ADGRL3: variants seen among roughly 807,000 people sequenced by gnomAD.
The protein encoded by ADGRL3 is adhesion G protein-coupled receptor L3.
A neutral mutation model predicts 153.5 loss-of-function variants in ADGRL3; 62 were observed. The ratio of observed to expected loss-of-function variants is 0.40; its 90% confidence interval spans 0.33 to 0.50. The LOEUF (loss-of-function observed/expected upper bound fraction) is 0.50. Ranked by LOEUF, ADGRL3 falls within the 20% of genes least tolerant of loss-of-function variation. ADGRL3 has a pLI of 0.47. For missense variants in ADGRL3, 1,641 were observed against 1,859.4 expected (o/e 0.88, Z 2.16); for synonymous variants, 710 against 672.5 (o/e 1.06, Z -0.86).
chr4:61,587,623 G>A (rs2098951695), intron 5 of ADGRL3, among the ~76,000 whole-genome samples, 183 bp downstream of exon 5: 1 of 152,032 alleles, frequency 6.6e-6, no homozygotes, highest in Non-Finnish European at 1.5e-5. Flanking sequence ...CATTTGGAAA[G>A]TATTACAATT....
intron 1 of ADGRL3, among the ~76,000 whole-genome samples, chr4:61,313,849 G>A (rs1255414219): frequency 1.3e-5 from 2 of 152,138 alleles, no homozygotes; most frequent in Non-Finnish European, 2.9e-5. Flanking sequence ...GAGCACAGAC[G>A]GGAACGAGCC....
intron 21 of ADGRL3, among the ~76,000 whole-genome samples, chr4:62,002,421 A>G (rs2099143648): frequency 6.6e-6 from 1 of 151,298 alleles, no homozygotes; most frequent in South Asian, 2.1e-4. Context: ...TAATTAATTA[A>G]ATTATTATTT....
intron 9 of ADGRL3, among the ~76,000 whole-genome samples, chr4:61,878,329 G>GA (rs2098487997): frequency 6.6e-6 from 1 of 152,132 alleles, no homozygotes; most frequent in South Asian, 2.1e-4. Context: ...GGGGAAAGGG[G>GA]AGCATAATTG....
intron 9 of ADGRL3, among the ~76,000 whole-genome samples, chr4:61,872,220 A>ATT (rs2098449756): frequency 6.6e-6 from 1 of 152,208 alleles, no homozygotes; most frequent in South Asian, 2.1e-4. Flanking sequence ...GTGATGATAA[A>ATT]TAAGTCAGTA....
intron 8 of ADGRL3, among the ~76,000 whole-genome samples, chr4:61,773,840 C>CA (rs1201775646): frequency 2.0e-5 from 3 of 151,730 alleles, no homozygotes; most frequent in East Asian, 1.9e-4. Flanking sequence ...AGCATCTAAA[C>CA]AAAAAAACAA....
chr4:61,637,768 C>G (rs1008300302), intron 5 of ADGRL3, among the ~76,000 whole-genome samples: 1 of 151,894 alleles, frequency 6.6e-6, no homozygotes, highest in Admixed American at 6.6e-5. Flanking sequence ...TCCCCCACCC[C>G]CCAAAAACGT....
chr4:61,409,628 A>G (rs1196937158), intron 2 of ADGRL3, among the ~76,000 whole-genome samples: 1 of 151,464 alleles, frequency 6.6e-6, no homozygotes, highest in Non-Finnish European at 1.5e-5. Flanking sequence ...TTCGTTATAG[A>G]CAAAGTTACT....
intron 8 of ADGRL3, among the ~76,000 whole-genome samples, chr4:61,769,484 G>A (rs929130083): frequency 1.5e-4 from 16 of 104,714 alleles, no homozygotes; most frequent in African/African-American, 6.6e-4. Context: ...CAAAGAGCAG[G>A]AGGACAGGGG....
In ADGRL3 at chr4:61,701,116, A is replaced by T. The variant is rs74391814; in HGVS notation, c.583+24181A>T. 6.5e-3 allele frequency among the ~76,000 whole-genome samples: 984 copies of T among 152,284 alleles called. 10 individuals carry two copies. The highest frequency in any genetic ancestry group is 0.022 in the African/African-American group (934 of 41,566). On this transcript the variant is annotated intron_variant, in intron 6 of 26. Coordinates refer to ENST00000683033, the MANE Select transcript of ADGRL3 (RefSeq NM_001387552.1). ...AGAAATGTCTAAAAATGACTAAAGA[A>T]GAAAAGGTAGAGAACAAAAAGTTGT...
intron 17 of ADGRL3, among the ~76,000 whole-genome samples, chr4:61,965,113 T>C (rs1385936863): frequency 6.6e-6 from 1 of 152,088 alleles, no homozygotes; most frequent in Non-Finnish European, 1.5e-5. Flanking sequence ...CCCTCCCTCT[T>C]CAGCCTCCCA....
intron 2 of ADGRL3, among the ~76,000 whole-genome samples, chr4:61,477,566 T>C (rs1164651081): frequency 2.6e-5 from 4 of 152,188 alleles, no homozygotes; most frequent in African/African-American, 9.6e-5. Flanking sequence ...CCCAATTTCA[T>C]TGTATATTTT....
intron 23 of ADGRL3, 144 bp from the exon 24 acceptor site, chr4:62,037,587 A>C (rs1725777124): frequency 1.1e-6 from 1 of 920,142 alleles, no homozygotes; most frequent in Non-Finnish European, 1.6e-6. Flanking sequence ...TGTATTGTAA[A>C]ATATATGCTG....
intron 1 of ADGRL3, among the ~76,000 whole-genome samples, chr4:61,217,299 A>C (rs1743245990): frequency 6.6e-6 from 1 of 152,176 alleles, no homozygotes; most frequent in Non-Finnish European, 1.5e-5. Flanking sequence ...GGTGAGTGGG[A>C]TCTGAAAAGA....
At chr4:61,977,476 C>A (rs751379538) in intron 17 of ADGRL3, among the ~76,000 whole-genome samples, 4 of 152,226 alleles carry the variant, frequency 2.6e-5, no homozygotes, top group Non-Finnish European at 4.4e-5. Flanking sequence ...GTAGCATCCC[C>A]CGGAGAACAA....
At chr4:61,210,255 T>A (rs1739293711) in intron 1 of ADGRL3, among the ~76,000 whole-genome samples, 1 of 152,076 alleles carries the variant, frequency 6.6e-6, no homozygotes, top group South Asian at 2.1e-4. Context: ...GAATTAGGTG[T>A]TTTAAAGTAT....
At chr4:61,803,170 A>G (rs2097519920) in intron 8 of ADGRL3, among the ~76,000 whole-genome samples, 1 of 152,094 alleles carries the variant, frequency 6.6e-6, no homozygotes, top group Non-Finnish European at 1.5e-5. Flanking sequence ...GCATAAAGTA[A>G]ATTATCTGAA....
At chr4:61,594,715 G>T (rs1035217709) in intron 5 of ADGRL3, among the ~76,000 whole-genome samples, 7 of 152,160 alleles carry the variant, frequency 4.6e-5, no homozygotes, top group Non-Finnish European at 7.3e-5. Context: ...CAGACCTGAA[G>T]CCAGCATGGT....
At chr4:61,679,378 A>G (rs1430361546) in intron 6 of ADGRL3, among the ~76,000 whole-genome samples, 1 of 152,016 alleles carries the variant, frequency 6.6e-6, no homozygotes, top group Non-Finnish European at 1.5e-5. Context: ...CATGCAAACT[A>G]TATCATTGGA....
chr4:61,830,921 G>A (rs897868792), intron 9 of ADGRL3, among the ~76,000 whole-genome samples: 8 of 151,918 alleles, frequency 5.3e-5, no homozygotes, highest in Admixed American at 1.3e-4. Context: ...AGACAGTCTT[G>A]CTGTGTGCCC....
Sources: allele counts gnomAD v4.1 joint callset (sites outside exome capture counted in the v4.1 genomes callset), GRCh38; gene constraint gnomAD v4.1.1; transcripts MANE v1.5; gene names NCBI Gene and HGNC (gene_info 2026-07-23, HGNC 2026-07-21).